The following HPSE2 variants were observed in gnomAD, a reference collection of about 807,000 sequenced individuals.
HPSE2 encodes the protein inactive heparanase-2.
Under a neutral mutation model 60.5 loss-of-function variants are expected in HPSE2, and 38 were observed. The observed-to-expected ratio is 0.63, with a 90% CI of 0.48 to 0.82. The LOEUF (loss-of-function observed/expected upper bound fraction) is 0.82, where lower values mean the gene tolerates loss of function less well. Ranked by LOEUF, HPSE2 falls within the 40% of genes least tolerant of loss-of-function variation. The pLI, the probability that HPSE2 is intolerant of heterozygous loss-of-function variation, is 0.00. For synonymous variants in HPSE2, 295 were observed against 293.2 expected, an observed-to-expected ratio of 1.01 and a Z score of -0.06; for missense variants, 713 against 740.4, an observed-to-expected ratio of 0.96 and a Z score of 0.43.
rs781551587 is a variant in HPSE2, at chr10:98,909,334, G to GT, written c.611-165279dup. Among the ~76,000 whole-genome samples, 972 of 141,662 alleles carry GT rather than the reference G, an allele frequency of 6.9e-3. 1 individual carries two copies. Among genetic ancestry groups the GT allele is most frequent in the African/African-American group, 0.013 (487 of 38,864 alleles). 92.9% of individuals were successfully genotyped at this position (141,662 alleles called of 152,430 possible). ...AGTTCCACAACTGGTATTCAAAAAA[G>GT]TTTTTTTTTTTTTTGGCCGGATACA... On this transcript the variant is annotated intron_variant, in intron 3 of 11. Coordinates refer to ENST00000370552, the MANE Select transcript of HPSE2 (RefSeq NM_021828.5).
At chr10:98,948,796 A>G (rs1334238670) in intron 3 of HPSE2, among the ~76,000 whole-genome samples, 1 of 152,046 alleles carries the variant, frequency 6.6e-6, no homozygotes. Flanking sequence ...CCTTCTCAAC[A>G]TGAAGGCTTT....
intron 6 of HPSE2, among the ~76,000 whole-genome samples, chr10:98,642,689 G>A (rs1946669397): frequency 6.6e-6 from 1 of 152,330 alleles, no homozygotes; most frequent in South Asian, 2.1e-4. Flanking sequence ...GCTTTGTGGA[G>A]ATATCCTTTG....
At chr10:99,217,794 T>C (rs1251033918) in intron 2 of HPSE2, among the ~76,000 whole-genome samples, 2 of 152,088 alleles carry the variant, frequency 1.3e-5, no homozygotes, top group South Asian at 2.1e-4. Flanking sequence ...CTATGTTGCC[T>C]AGGCTGATCT....
intron 2 of HPSE2, among the ~76,000 whole-genome samples, chr10:99,222,386 C>T (rs1849343965): frequency 6.6e-6 from 1 of 152,092 alleles, no homozygotes; most frequent in African/African-American, 2.4e-5. Context: ...AATCTCAGTT[C>T]AAACAGAAAG....
chr10:98,742,983 T>G (rs1949539004), intron 4 of HPSE2, among the ~76,000 whole-genome samples: 2 of 147,342 alleles, frequency 1.4e-5, no homozygotes, highest in South Asian at 4.4e-4. Context: ...TCTTTTTTTT[T>G]TTTTTTTTTG....
chr10:98,728,868 G>A (rs915620963), intron 4 of HPSE2, among the ~76,000 whole-genome samples: 4 of 151,956 alleles, frequency 2.6e-5, no homozygotes, highest in African/African-American at 9.7e-5. Context: ...AATTAGCTGG[G>A]TGTAGTGGCA....
At chr10:99,146,429 T>C (rs1348694144) in intron 2 of HPSE2, among the ~76,000 whole-genome samples, 1 of 152,218 alleles carries the variant, frequency 6.6e-6, no homozygotes, top group African/African-American at 2.4e-5. Context: ...GGACTTCCCT[T>C]GCCAGATTAA....
the HPSE2 span, among the ~76,000 whole-genome samples, chr10:99,308,379 C>CAAA: frequency 0.05 from 1,401 of 28,128 alleles, 239 homozygotes; most frequent in African/African-American, 0.14. Flanking sequence ...GACTCTGTCT[C>CAAA]AAAAAAAAAA....
chr10:99,242,993 T>C, the HPSE2 span, among the ~76,000 whole-genome samples: 6,057 of 152,294 alleles, frequency 0.04, 169 homozygotes, highest in Middle Eastern at 0.068. Context: ...AATTTACATA[T>C]ATACTATTTA....
intron 3 of HPSE2, among the ~76,000 whole-genome samples, chr10:98,862,431 C>T (rs1380333222): frequency 6.6e-6 from 1 of 152,146 alleles, no homozygotes; most frequent in African/African-American, 2.4e-5. Context: ...TTTAATCTCT[C>T]TGATATGTAC....
chr10:99,211,469 G>A (rs557400889), intron 2 of HPSE2, among the ~76,000 whole-genome samples: 5 of 151,988 alleles, frequency 3.3e-5, no homozygotes, highest in African/African-American at 1.2e-4. Flanking sequence ...CAAAGCTATC[G>A]TAATAAAAAG....
At chr10:99,252,623 T>C in the HPSE2 span, among the ~76,000 whole-genome samples, 1 of 152,052 alleles carries the variant, frequency 6.6e-6, no homozygotes, top group African/African-American at 2.4e-5. Context: ...ACGCCTGTAA[T>C]CCCAGCACTT....
chr10:99,096,696 G>GTT (rs5787321), intron 3 of HPSE2, among the ~76,000 whole-genome samples: 1 of 149,448 alleles, frequency 6.7e-6, no homozygotes, highest in Non-Finnish European at 1.5e-5. Flanking sequence ...AAATTGTTGT[G>GTT]TTTTTTTTTT....
intron 4 of HPSE2, among the ~76,000 whole-genome samples, chr10:98,723,820 T>C (rs1346724222): frequency 6.6e-6 from 1 of 152,192 alleles, no homozygotes; most frequent in African/African-American, 2.4e-5. Context: ...ATCCCCTTTG[T>C]CATTTTTTAT....
chr10:99,298,096 A>C, the HPSE2 span, among the ~76,000 whole-genome samples: 30 of 152,248 alleles, frequency 2.0e-4, no homozygotes, highest in African/African-American at 7.0e-4. Flanking sequence ...CCAAGTGGCC[A>C]CCCAATATTC....
intron 3 of HPSE2, among the ~76,000 whole-genome samples, chr10:99,099,259 C>G (rs1377819632): frequency 6.6e-6 from 1 of 152,230 alleles, no homozygotes; most frequent in African/African-American, 2.4e-5. Context: ...GAAGCTGTGA[C>G]AGACGGCACC....
intron 3 of HPSE2, among the ~76,000 whole-genome samples, chr10:98,963,811 C>G (rs189219646): frequency 6.6e-6 from 1 of 151,934 alleles, no homozygotes; most frequent in Non-Finnish European, 1.5e-5. Context: ...GGAATCATGA[C>G]TAATGGAATC....
chr10:98,993,814 A>G (rs1014466797), intron 3 of HPSE2, among the ~76,000 whole-genome samples: 10 of 152,278 alleles, frequency 6.6e-5, no homozygotes, highest in Middle Eastern at 3.4e-3. Flanking sequence ...TCCTCACTCT[A>G]TATTAGTTGA....
chr10:98,548,616 CA>C (rs71007398), intron 9 of HPSE2, among the ~76,000 whole-genome samples: 71,279 of 139,794 alleles, frequency 0.51, 19,624 homozygotes, highest in South Asian at 0.66. Flanking sequence ...GACTCCATCT[CA>C]AAAAAAAAAA....
Sources: gnomAD v4.1 joint callset for allele counts (sites outside exome capture counted in the v4.1 genomes callset) on GRCh38, gnomAD v4.1.1 for gene constraint, MANE v1.5 for transcripts, NCBI Gene and HGNC (gene_info 2026-07-23, HGNC 2026-07-21) for gene names.